Variants in NUMB observed in about 807,000 individuals in gnomAD.
The protein encoded by NUMB is NUMB endocytic adaptor protein, also known as protein numb homolog.
In NUMB, 29 loss-of-function variants were observed where a neutral mutation model predicts 59.7. That is an observed-to-expected ratio of 0.49 (90% CI 0.36 to 0.66). NUMB has a LOEUF of 0.66. NUMB is among the 30% of genes least tolerant of loss of function. The pLI is 0.00. For synonymous variants in NUMB, 288 were observed against 288.2 expected (o/e 1.00, Z 0.01); for missense variants, 723 against 822.0 (o/e 0.88, Z 1.47).
chr14:73,410,775 C>A (rs1057351757), intron 1 of NUMB, among the ~76,000 whole-genome samples: 3 of 152,156 alleles, frequency 2.0e-5, no homozygotes, highest in Non-Finnish European at 4.4e-5. Context: ...GTATGATTTA[C>A]ATGAACTCTA....
chr14:73,284,472 C>T, intron 9 of NUMB, 98 bp from the exon 10 acceptor site: 1 of 985,628 alleles, frequency 1.0e-6, no homozygotes, highest in Non-Finnish European at 1.5e-6. Context: ...TCCTTTTACC[C>T]ATTTCCTTCC....
chr14:73,363,984 T>C (rs1894215251), intron 3 of NUMB, among the ~76,000 whole-genome samples: 1 of 152,178 alleles, frequency 6.6e-6, no homozygotes, highest in Non-Finnish European at 1.5e-5. Flanking sequence ...AATCCAACTG[T>C]ATATTTTTTT....
At position 73,287,079 on chromosome 14, in the gene NUMB, C is replaced by A. The variant is rs368474033; in HGVS notation, c.655+31G>T. 3.1e-6 allele frequency: 5 copies of A among 1,600,124 alleles called. No homozygotes were observed. In the Middle Eastern group the frequency reaches 5.0e-4, roughly 159 times the overall value. ...ATACCTTGTTGGGAAAAACTGCATT[C>A]CATAAATACACACTGTAGAACAGAT... On this transcript the variant is annotated intron_variant, in intron 9 of 12. Coordinates refer to ENST00000555238, the MANE Select transcript of NUMB (RefSeq NM_001005743.2).
intron 1 of NUMB, among the ~76,000 whole-genome samples, chr14:73,423,881 G>A (rs796813801): frequency 9.3e-5 from 14 of 149,740 alleles, no homozygotes; most frequent in African/African-American, 3.0e-4. Flanking sequence ...CAGGAGAATC[G>A]CTTGAACCCG....
At chr14:73,413,279 G>A (rs1050869794) in intron 1 of NUMB, among the ~76,000 whole-genome samples, 1 of 150,650 alleles carries the variant, frequency 6.6e-6, no homozygotes, top group Non-Finnish European at 1.5e-5. Flanking sequence ...TAGAGACAGG[G>A]TTTCACCATG....
intron 6 of NUMB, among the ~76,000 whole-genome samples, chr14:73,310,289 G>A (rs751873569): frequency 4.5e-4 from 68 of 152,152 alleles, no homozygotes; most frequent in Non-Finnish European, 9.3e-4. Flanking sequence ...AAAGCATATT[G>A]TTTTGCCAGG....
chr14:73,436,370 A>C (rs956122293), intron 1 of NUMB, among the ~76,000 whole-genome samples: 2 of 152,080 alleles, frequency 1.3e-5, no homozygotes, highest in Non-Finnish European at 2.9e-5. Context: ...AGGATGGACC[A>C]CAGTAGCGTG....
chr14:73,372,334 TATAAC>T (rs1405068820), intron 2 of NUMB, among the ~76,000 whole-genome samples: 1 of 92,206 alleles, frequency 1.1e-5, no homozygotes, highest in Non-Finnish European at 2.1e-5. Flanking sequence ...TATATATATA[TATAAC>T]CTTTTATATA....
intron 2 of NUMB, among the ~76,000 whole-genome samples, chr14:73,371,310 G>A (rs1056524440): frequency 7.2e-5 from 11 of 152,040 alleles, no homozygotes; most frequent in African/African-American, 2.4e-4. Flanking sequence ...CCCGAGGTGG[G>A]TGGATCACAA....
intron 12 of NUMB, among the ~76,000 whole-genome samples, chr14:73,278,045 C>CAAAAA (rs57146032): frequency 0.023 from 1,604 of 68,638 alleles, 166 homozygotes; most frequent in African/African-American, 0.083. Flanking sequence ...GACTCCGTCT[C>CAAAAA]AAAAAAAAAA....
intron 1 of NUMB, among the ~76,000 whole-genome samples, chr14:73,430,964 A>T (rs1339441978): frequency 1.3e-5 from 2 of 151,370 alleles, no homozygotes; most frequent in Non-Finnish European, 2.9e-5. Flanking sequence ...AAAGTTTTTG[A>T]ATTTTGTTCT....
chr14:73,302,039 C>T (rs12880495), intron 6 of NUMB, among the ~76,000 whole-genome samples: 23 of 151,756 alleles, frequency 1.5e-4, no homozygotes, highest in Admixed American at 1.2e-3. Flanking sequence ...GCTGAGATCA[C>T]GCCACTGCAC....
chr14:73,437,964 A>G lies in NUMB; in HGVS notation c.-233+20529T>C, dbSNP rs564121368. 2.2e-4 allele frequency among the ~76,000 whole-genome samples: 34 copies of G among 152,348 alleles called. 1 individual carries two copies. In the South Asian group the frequency reaches 6.8e-3, roughly 31 times the overall value. ...TAAATGTCCCACTAGTGACCAAATA[A>G]ATACAAATTTCAGAAACCAGTTACT... On this transcript the variant is annotated intron_variant, in intron 1 of 12. Transcript: ENST00000555238.
At chr14:73,382,447 C>CAAAAAAAAAAA (rs151055012) in intron 2 of NUMB, among the ~76,000 whole-genome samples, 1 of 132,896 alleles carries the variant, frequency 7.5e-6, no homozygotes, top group Non-Finnish European at 1.6e-5. Flanking sequence ...ATTTTTATAG[C>CAAAAAAAAAAA]AAAAAAAAAA....
rs1448685145 is a variant in NUMB, at chr14:73,284,353, A to G, written c.677T>C (p.Val226Ala). ...AKKAETDKIV[V>A]GSSVAPGNTA... ...GTTGCCAGGGGCAACTGATGAACCAACGACTATCTTATCTGTTTCAGCTCA... is the reference window on the plus strand; with the variant it reads ...GTTGCCAGGGGCAACTGATGAACCAGCGACTATCTTATCTGTTTCAGCTCA... The change falls in exon 10 of 13, where the codon GTT (valine) becomes GCT (alanine). Residue 226 changes from valine to alanine, a missense_variant. By Grantham distance (64) the Val-to-Ala change is moderately conservative. Around this residue, in one of 2 missense-constraint regions of NUMB, gnomAD observed 317 missense variants for 436.6 expected, o/e 0.73. Coordinates refer to ENST00000555238, the MANE Select transcript of NUMB (RefSeq NM_001005743.2). The G allele has an allele frequency of 6.2e-7, 1 of 1,613,780 alleles. No individual in the cohort carries two copies. Among genetic ancestry groups the G allele is most frequent in the Non-Finnish European group, 8.5e-7 (1 of 1,179,696 alleles).
rs199983404 is a variant in NUMB, at chr14:73,305,400, CTTTT to C, written c.235-8119_235-8116del. Among the ~76,000 whole-genome samples, 859 of 149,138 alleles carry C rather than the reference CTTTT, an allele frequency of 5.8e-3. 2 individuals are homozygous for C. The highest frequency in any genetic ancestry group is 7.1e-3 in the Non-Finnish European group (477 of 67,010). ...GGAACTGTGTCCCCGAATTCATTTT[CTTTT>C]TTTTTTCTGACAAATGTATTTATAT... On this transcript the variant is annotated intron_variant, in intron 6 of 12. Transcript: ENST00000555238.
intron 8 of NUMB, among the ~76,000 whole-genome samples, chr14:73,288,889 AAG>A (rs1271730126): frequency 6.6e-6 from 1 of 151,972 alleles, no homozygotes; most frequent in Non-Finnish European, 1.5e-5. Context: ...AAAAAAGAAA[AAG>A]AAAAAATTAG....
chr14:73,350,992 A>C (rs1221962669), intron 4 of NUMB, among the ~76,000 whole-genome samples: 2 of 152,204 alleles, frequency 1.3e-5, no homozygotes, highest in Admixed American at 1.3e-4. Flanking sequence ...CACTGCAGCC[A>C]AAGTCATTTT....
At chr14:73,375,817 ATCTC>A (rs1247068729) in intron 2 of NUMB, among the ~76,000 whole-genome samples, 1 of 152,232 alleles carries the variant, frequency 6.6e-6, no homozygotes, top group Non-Finnish European at 1.5e-5. Flanking sequence ...TCACATGATC[ATCTC>A]CATAAATGCA....
Sources: allele counts gnomAD v4.1 joint callset (sites outside exome capture counted in the v4.1 genomes callset), GRCh38; gene constraint gnomAD v4.1.1; regional missense constraint gnomAD v4.1.1; transcripts MANE v1.5; gene names NCBI Gene and HGNC (gene_info 2026-07-23, HGNC 2026-07-21).